SMIM23: variants seen among roughly 807,000 people sequenced by gnomAD.
The protein encoded by SMIM23 is CTB-78H18.1.
SMIM23 carries 10 observed loss-of-function variants against 12.8 expected under a neutral mutation model. That is an observed-to-expected ratio of 0.78 (90% confidence interval 0.48 to 1.32). SMIM23 has a LOEUF of 1.32. SMIM23 is among the 40% of genes most tolerant of loss of function. The pLI, the probability that SMIM23 is intolerant of heterozygous loss-of-function variation, is 0.00. For synonymous variants in SMIM23, 78 were observed against 80.1 expected, an observed-to-expected ratio of 0.97 and a Z score of 0.14; for missense variants, 184 against 198.2, an observed-to-expected ratio of 0.93 and a Z score of 0.43.
intron 1 of SMIM23, among the ~76,000 whole-genome samples, chr5:171,786,333 C>A (rs891916): frequency 0.082 from 12,515 of 152,194 alleles, 707 homozygotes; most frequent in Non-Finnish European, 0.11. Flanking sequence ...AGGATTCATT[C>A]TCAGGGCTGA....
chr5:171,777,435 G>A (rs576963000), upstream of SMIM23, among the ~76,000 whole-genome samples: 1 of 152,234 alleles, frequency 6.6e-6, no homozygotes, highest in African/African-American at 2.4e-5. Context: ...CTCTGGTTAC[G>A]GGGCATGCAG....
At chr5:171,773,335 C>T in the SMIM23 span, among the ~76,000 whole-genome samples, 2 of 110,706 alleles carry the variant, frequency 1.8e-5, no homozygotes, top group East Asian at 2.6e-4. Flanking sequence ...ACCAGTCTTA[C>T]GTCCACCATG....
At chr5:171,786,002 C>T (rs2113648996) in intron 1 of SMIM23, 26 bp downstream of exon 1, 2 of 1,518,838 alleles carry the variant, frequency 1.3e-6, no homozygotes, top group Non-Finnish European at 1.8e-6. Flanking sequence ...GTACATGCTG[C>T]TTTCCTCCCA....
At chr5:171,772,966 A>T in the SMIM23 span, among the ~76,000 whole-genome samples, 2 of 152,194 alleles carry the variant, frequency 1.3e-5, no homozygotes, top group African/African-American at 4.8e-5. Context: ...CCCATAAACC[A>T]ATACTTGAAA....
At chr5:171,783,568 A>G (rs1414334326), upstream of SMIM23, among the ~76,000 whole-genome samples, 1 of 152,252 alleles carries the variant, frequency 6.6e-6, no homozygotes, top group African/African-American at 2.4e-5. Context: ...CAAATGAATC[A>G]TGGGCTGAAA....
intron 2 of SMIM23, 65 bp downstream of exon 2, chr5:171,790,346 A>G (rs1467848966): frequency 2.6e-6 from 4 of 1,526,742 alleles, no homozygotes; most frequent in Non-Finnish European, 3.5e-6. Context: ...GAGTGTTCCA[A>G]AGATGGTTGT....
chr5:171,786,870 C>A (rs1168226843), intron 1 of SMIM23, among the ~76,000 whole-genome samples: 1 of 152,112 alleles, frequency 6.6e-6, no homozygotes, highest in East Asian at 1.9e-4. Context: ...GCTGCATACC[C>A]GCATCCCCTC....
At chr5:171,773,827 G>C in the SMIM23 span, 2,259 of 456,308 alleles carry the variant, frequency 5.0e-3, 41 homozygotes, top group African/African-American at 0.04. Context: ...GATTGTATGA[G>C]AAAGCTCCTA....
rs1437398631 is a variant in SMIM23, at chr5:171,788,020, A to G, written c.105+2044A>G. 2.0e-5 allele frequency among the ~76,000 whole-genome samples: 3 copies of G among 151,956 alleles called. No individual in the cohort carries two copies. The East Asian group carries it at 5.8e-4, about 29-fold the overall frequency. ...AAGAGGCAAGTTAGACACATCTTTC[A>G]TCTTCCTTGTTTAGTACTGGGTCTA... On this transcript the variant is annotated intron_variant, in intron 1 of 3. Transcript: ENST00000523047.
At chr5:171,783,691 GA>G (rs1755763500), upstream of SMIM23, among the ~76,000 whole-genome samples, 1 of 152,132 alleles carries the variant, frequency 6.6e-6, no homozygotes, top group Admixed American at 6.5e-5. Context: ...ATTCATAAAA[GA>G]AAAAGTGATA....
Position 171,790,917 on chromosome 5 carries a change from G to A in SMIM23, c.348G>A (p.Gln116=), listed in dbSNP as rs1411221335. The A allele has an allele frequency of 5.9e-6, 9 of 1,536,172 alleles. No individual in the cohort carries two copies. The highest frequency in any genetic ancestry group is 7.8e-6 in the Non-Finnish European group (9 of 1,146,922). ...AGGAAGAGGTGCAGCAGCTGGAGCA[G>A]CTAGCGTGGGACCTGGAACTGTGGC... The part of the protein sequence containing the change: ...KLEEEVQQLE[Q]LAWDLELWLD... Residue 116 remains glutamine (Q), a synonymous_variant, in exon 4 of 4, where the codon CAG becomes CAA. Transcript: ENST00000523047.
upstream of SMIM23, among the ~76,000 whole-genome samples, chr5:171,783,666 C>T (rs958485767): frequency 6.6e-6 from 1 of 152,124 alleles, no homozygotes; most frequent in African/African-American, 2.4e-5. Flanking sequence ...CTTAGACTTG[C>T]CATGAAAGAG....
At chr5:171,788,367 AAAATT>A (rs1419069612) in intron 1 of SMIM23, among the ~76,000 whole-genome samples, 4 of 152,196 alleles carry the variant, frequency 2.6e-5, no homozygotes, top group African/African-American at 4.8e-5. Context: ...TTTAATTGGT[AAAATT>A]AAATTAAGAA....
upstream of SMIM23, among the ~76,000 whole-genome samples, chr5:171,783,738 A>G (rs1360590199): frequency 6.6e-6 from 1 of 152,258 alleles, no homozygotes; most frequent in Non-Finnish European, 1.5e-5. Flanking sequence ...TATCTGCAAA[A>G]GTCCATGTGA....
intron 1 of SMIM23, among the ~76,000 whole-genome samples, chr5:171,786,242 T>G (rs1755815205): frequency 1.3e-5 from 2 of 152,192 alleles, no homozygotes; most frequent in African/African-American, 2.4e-5. Flanking sequence ...GAATCCCTAG[T>G]GCCTAGCATG....
rs1042129214 is a variant in SMIM23 at position 171,785,869 on chromosome 5, G to T, written c.-3G>T. ...GTCCACCCAGGCAGCCAGATCTGAGGCCATGGCAACCCAGCAAGTGGACAG... is the reference window on the plus strand; with the variant it reads ...GTCCACCCAGGCAGCCAGATCTGAGTCCATGGCAACCCAGCAAGTGGACAG... On this transcript the variant is annotated 5_prime_UTR_variant, in exon 1 of 4. Coordinates refer to ENST00000523047, the MANE Select transcript of SMIM23 (RefSeq NM_001289970.2). 4.6e-6 allele frequency: 7 copies of T among 1,536,000 alleles called. No individual in the cohort carries two copies. In the African/African-American group the frequency reaches 8.2e-5, roughly 18 times the overall value.
At chr5:171,779,983 T>C (rs1295068508), upstream of SMIM23, among the ~76,000 whole-genome samples, 1 of 152,154 alleles carries the variant, frequency 6.6e-6, no homozygotes, top group Non-Finnish European at 1.5e-5. Flanking sequence ...TTATTATTAT[T>C]GGCCTCACTT....
At chr5:171,789,365 T>C (rs1435351053) in intron 1 of SMIM23, among the ~76,000 whole-genome samples, 1 of 152,232 alleles carries the variant, frequency 6.6e-6, no homozygotes, top group Non-Finnish European at 1.5e-5. Context: ...TCATTGGTGG[T>C]TTCTTATAAA....
At chr5:171,787,243 C>A (rs1755836257) in intron 1 of SMIM23, among the ~76,000 whole-genome samples, 1 of 152,132 alleles carries the variant, frequency 6.6e-6, no homozygotes, top group African/African-American at 2.4e-5. Context: ...TGGTCTCGAA[C>A]TCCTGACCTC....
Sources: allele counts gnomAD v4.1 joint callset (sites outside exome capture counted in the v4.1 genomes callset), GRCh38; gene constraint gnomAD v4.1.1; transcripts MANE v1.5; gene names NCBI Gene and HGNC (gene_info 2026-07-23, HGNC 2026-07-21).